The following CNBD2 variants were observed in gnomAD, a reference collection of about 807,000 sequenced individuals.
The protein encoded by CNBD2 is cyclic nucleotide binding domain containing 2, also known as cyclic nucleotide-binding domain-containing protein 2.
A neutral mutation model predicts 63.7 loss-of-function variants in CNBD2; 64 were observed. That is an observed-to-expected ratio of 1.00 (90% CI 0.82 to 1.24). The LOEUF (loss-of-function observed/expected upper bound fraction) is 1.24. Ranked by LOEUF, CNBD2 falls within the 50% of genes most tolerant of loss-of-function variation. The probability of loss-of-function intolerance (pLI) is 0.00; values close to 1 mark genes in which losing one functional copy is unlikely to be tolerated. For synonymous variants in CNBD2, 229 were observed against 255.4 expected (o/e 0.90, Z 0.99); for missense variants, 691 against 713.5 (o/e 0.97, Z 0.36).
chr20:35,966,461 A>T (rs920395099), upstream of CNBD2, among the ~76,000 whole-genome samples: 22 of 152,250 alleles, frequency 1.4e-4, no homozygotes, highest in African/African-American at 5.3e-4. Context: ...TTGAAATCAC[A>T]GTTTTCTACT....
intron 2 of CNBD2, among the ~76,000 whole-genome samples, chr20:35,975,281 G>A (rs2056491348): frequency 7.6e-6 from 1 of 131,386 alleles, no homozygotes. Flanking sequence ...GATTACAGGC[G>A]TGAGCCACCG....
chr20:35,957,990 A>G (rs2147163446), downstream of CNBD2, among the ~76,000 whole-genome samples: 1 of 152,308 alleles, frequency 6.6e-6, no homozygotes, highest in Middle Eastern at 3.4e-3. Flanking sequence ...CATCCCTGAG[A>G]AGGCAGAGCT....
intron 3 of CNBD2, among the ~76,000 whole-genome samples, chr20:35,977,639 C>G (rs1330120222): frequency 6.6e-6 from 1 of 152,232 alleles, no homozygotes; most frequent in East Asian, 1.9e-4. Flanking sequence ...GACTGTGCCA[C>G]TGCACTGCAG....
intron 8 of CNBD2, among the ~76,000 whole-genome samples, chr20:36,003,595 G>A (rs555028686): frequency 6.6e-6 from 1 of 152,300 alleles, no homozygotes; most frequent in African/African-American, 2.4e-5. Context: ...TTCTGGTCCT[G>A]TTTGAGCTCT....
chr20:36,008,693 A>G (rs756929972), intron 9 of CNBD2, among the ~76,000 whole-genome samples: 14 of 152,210 alleles, frequency 9.2e-5, no homozygotes, highest in Admixed American at 5.2e-4. Context: ...TCAGGCATTC[A>G]GCCACTTCTT....
intron 10 of CNBD2, 70 bp downstream of exon 10, chr20:36,011,327 C>T: frequency 7.3e-7 from 1 of 1,378,172 alleles, no homozygotes; most frequent in Middle Eastern, 1.9e-4. Flanking sequence ...TAAGTAATGA[C>T]AGTAAAGGTT....
At chr20:36,001,561 G>A (rs1321465324) in intron 8 of CNBD2, among the ~76,000 whole-genome samples, 15 of 150,810 alleles carry the variant, frequency 9.9e-5, no homozygotes, top group South Asian at 2.1e-4. Flanking sequence ...CTTCCCAGAC[G>A]GGGTGGCTGC....
intron 11 of CNBD2, 92 bp from the exon 12 acceptor site, chr20:36,030,265 C>A: frequency 8.2e-7 from 1 of 1,223,150 alleles, no homozygotes; most frequent in Non-Finnish European, 1.2e-6. Flanking sequence ...CAGAATGAAG[C>A]GCCACATGCT....
chr20:36,030,517 T>C lies in CNBD2; in HGVS notation c.1600T>C (p.Leu534=), dbSNP rs759208603. The C allele has an allele frequency of 5.0e-6, 8 of 1,614,104 alleles. No individual in the cohort carries two copies. The South Asian group carries it at 7.7e-5, about 16-fold the overall frequency. The change falls in exon 12 of 12, where the codon TTG becomes CTG. Residue 534 remains leucine, a synonymous_variant. Transcript: ENST00000373973. ...IYNPKSVVLD[L]CSINKTTKPR... ...CAACCCTAAGTCTGTGGTCCTGGATTTGTGCAGCATCAACAAGACGACTAA... is the reference window on the plus strand; with the variant it reads ...CAACCCTAAGTCTGTGGTCCTGGATCTGTGCAGCATCAACAAGACGACTAA...
intron 8 of CNBD2, among the ~76,000 whole-genome samples, chr20:36,004,447 C>T (rs1262682988): frequency 6.6e-6 from 1 of 152,170 alleles, no homozygotes; most frequent in African/African-American, 2.4e-5. Context: ...ATCTGAGTTC[C>T]CCCTCCCTGC....
At chr20:35,961,768 C>G (rs1196775321) in intron 2 of CNBD2, among the ~76,000 whole-genome samples, 1 of 152,122 alleles carries the variant, frequency 6.6e-6, no homozygotes, top group Non-Finnish European at 1.5e-5. Context: ...CATAGTGAAG[C>G]TTCTTCTGAC....
intron 10 of CNBD2, among the ~76,000 whole-genome samples, chr20:36,016,273 A>G (rs1446027819): frequency 6.6e-6 from 1 of 152,228 alleles, no homozygotes; most frequent in East Asian, 1.9e-4. Flanking sequence ...ATTAAATGTA[A>G]TGTTGTATCC....
At chr20:35,999,679 CT>C (rs35106057) in intron 8 of CNBD2, among the ~76,000 whole-genome samples, 6,293 of 141,978 alleles carry the variant, frequency 0.044, 390 homozygotes, top group African/African-American at 0.15. Context: ...CAAGTATCTT[CT>C]TTTTTTTTTT....
chr20:35,965,511 C>G (rs1156265451), upstream of CNBD2, among the ~76,000 whole-genome samples: 1 of 152,082 alleles, frequency 6.6e-6, no homozygotes, highest in Non-Finnish European at 1.5e-5. Context: ...GGAATTGAAT[C>G]GAACTCCATT....
rs76382038 is a variant in CNBD2, at chr20:36,030,108, C to A, written c.1440-249C>A. 9.2e-3 allele frequency among the ~76,000 whole-genome samples: 1,408 copies of A among 152,330 alleles called. 10 individuals carry two copies. The highest frequency in any genetic ancestry group is 0.015 in the Non-Finnish European group (1,009 of 68,034). On this transcript the variant is annotated intron_variant, in intron 11 of 11. Coordinates refer to ENST00000373973, the MANE Select transcript of CNBD2 (RefSeq NM_001365709.1). ...TCTGGTGTGTATTTTACACTCACAG[C>A]ACATCTCTATTTCAGACTGGCTGCA...
chr20:36,027,062 A>C (rs1346705878), intron 11 of CNBD2, among the ~76,000 whole-genome samples: 2 of 152,082 alleles, frequency 1.3e-5, no homozygotes, highest in Non-Finnish European at 2.9e-5. Context: ...AACCCAAATC[A>C]TTTGCAGTCT....
chr20:35,976,125 C>A, intron 3 of CNBD2, 123 bp downstream of exon 3: 1 of 818,268 alleles, frequency 1.2e-6, no homozygotes, highest in Non-Finnish European at 2.0e-6. Flanking sequence ...CTCAGCTTGT[C>A]ACCCTGGGTT....
At chr20:36,022,535 A>G (rs960938174) in intron 10 of CNBD2, among the ~76,000 whole-genome samples, 1 of 151,866 alleles carries the variant, frequency 6.6e-6, no homozygotes, top group Non-Finnish European at 1.5e-5. Context: ...GGGTTTCACC[A>G]TGTTGGCCAG....
At chr20:35,959,559 T>C (rs137882560), downstream of CNBD2, 8,756 of 152,196 alleles carry the variant, frequency 0.058, 360 homozygotes, top group African/African-American at 0.12. Flanking sequence ...TGAGACTTAT[T>C]CACTACCATG....
Sources: allele counts gnomAD v4.1 joint callset (sites outside exome capture counted in the v4.1 genomes callset), GRCh38; gene constraint gnomAD v4.1.1; transcripts MANE v1.5; gene names NCBI Gene and HGNC (gene_info 2026-07-23, HGNC 2026-07-21).